NUP58: variants seen among roughly 807,000 people sequenced by gnomAD.
NUP58 encodes nucleoporin 58, also known as nucleoporin p58/p45.
Under a neutral mutation model 70.1 loss-of-function variants are expected in NUP58, and 17 were observed. The ratio of observed to expected loss-of-function variants is 0.24; its 90% CI spans 0.17 to 0.36. The LOEUF is 0.36. Among genes scored for constraint, NUP58 ranks in the 10% least tolerant of loss-of-function variants. The probability of loss-of-function intolerance (pLI) is 1.00; values close to 1 mark genes in which losing one functional copy is unlikely to be tolerated. For synonymous variants in NUP58, 275 were observed against 257.6 expected (o/e 1.07, Z -0.65); for missense variants, 644 against 701.5 (o/e 0.92, Z 0.93).
intron 13 of NUP58, chr13:25,334,008 A>C: frequency 1.0e-6 from 1 of 985,288 alleles, no homozygotes; most frequent in Non-Finnish European, 1.2e-6. Flanking sequence ...GAGGAGGAGG[A>C]ATAGACTTAA....
Position 25,312,899 on chromosome 13 carries a change from A to C in NUP58, c.303A>C (p.Thr101=), listed in dbSNP as rs2030741494. ...TGLTLGTPAT[T]SAATTGFSLG... Reference sequence around the variant, plus strand: ...TTTAAATAGGAACGCCAGCCACTACATCTGCAGCTACAACAGGCTTCAGTT... The same window carrying C: ...TTTAAATAGGAACGCCAGCCACTACCTCTGCAGCTACAACAGGCTTCAGTT... The change falls in exon 4 of 16, where the codon ACA becomes ACC. Residue 101 remains threonine, a synonymous_variant. Transcript: ENST00000381736. The C allele has an allele frequency of 6.2e-7, 1 of 1,612,160 alleles. No individual in the cohort carries two copies. The highest frequency in any genetic ancestry group is 8.5e-7 in the Non-Finnish European group (1 of 1,179,134).
intron 15 of NUP58, 65 bp from the exon 16 acceptor site, chr13:25,339,900 C>T: frequency 1.5e-6 from 2 of 1,363,972 alleles, no homozygotes; most frequent in Non-Finnish European, 1.0e-6. Flanking sequence ...ACTGCTCCTC[C>T]CTGTTTTTAT....
Position 25,308,016 on chromosome 13 carries a change from A to G in NUP58, c.250+68A>G, listed in dbSNP as rs112482451. The G allele has an allele frequency of 1.7e-5, 27 of 1,563,748 alleles. No homozygotes were observed. In the African/African-American group the frequency reaches 2.2e-4, roughly 13 times the overall value. Reference sequence around the variant, plus strand: ...TATTCTTTCCTAAATTGTGTCCTGTATCTCTCTTTACAAGGATCATCACTG... The same window carrying G: ...TATTCTTTCCTAAATTGTGTCCTGTGTCTCTCTTTACAAGGATCATCACTG... On this transcript the variant is annotated intron_variant, in intron 2 of 15. Transcript: ENST00000381736.
intron 5 of NUP58, among the ~76,000 whole-genome samples, chr13:25,314,493 C>T (rs1375735937): frequency 2.6e-5 from 4 of 151,954 alleles, no homozygotes; most frequent in African/African-American, 4.8e-5. Context: ...GTCAGGAGTT[C>T]GAGACCAGCC....
chr13:25,329,592 C>T (rs150088567), intron 12 of NUP58, among the ~76,000 whole-genome samples: 1 of 152,214 alleles, frequency 6.6e-6, no homozygotes, highest in Non-Finnish European at 1.5e-5. Context: ...GGTATGTTGC[C>T]ATTATTTTTA....
At chr13:25,320,079 G>A (rs2137770813) in intron 7 of NUP58, among the ~76,000 whole-genome samples, 1 of 152,136 alleles carries the variant, frequency 6.6e-6, no homozygotes, top group South Asian at 2.1e-4. Context: ...AGAACTAACT[G>A]AAGTTATTTT....
chr13:25,316,547 A>G (rs1233504109), intron 6 of NUP58, among the ~76,000 whole-genome samples: 1 of 152,212 alleles, frequency 6.6e-6, no homozygotes, highest in African/African-American at 2.4e-5. Context: ...AAACTTTTAC[A>G]AAGTTTAGAT....
intron 5 of NUP58, among the ~76,000 whole-genome samples, chr13:25,314,111 A>G (rs1162560584): frequency 6.6e-6 from 1 of 151,992 alleles, no homozygotes; most frequent in Non-Finnish European, 1.5e-5. Context: ...TTGTATTTTT[A>G]GTAGAGATGA....
At chr13:25,342,888 C>A (rs2031993709), downstream of NUP58, among the ~76,000 whole-genome samples, 1 of 151,700 alleles carries the variant, frequency 6.6e-6, no homozygotes, top group South Asian at 2.1e-4. Flanking sequence ...GTTCTTTTTC[C>A]CTTCTATTAG....
Position 25,301,756 on chromosome 13 carries a change from G to C in NUP58, c.-18G>C. 1 of 1,562,844 alleles carries C rather than the reference G, an allele frequency of 6.4e-7. No individual in the cohort carries two copies. Among genetic ancestry groups the C allele is most frequent in the Non-Finnish European group, 8.7e-7 (1 of 1,143,386 alleles). On this transcript the variant is annotated 5_prime_UTR_variant, in exon 1 of 16. Coordinates refer to ENST00000381736, the MANE Select transcript of NUP58 (RefSeq NM_014089.4). ...AGACCCATTTCGCCTTGCTGACGGCGTCGAGCCCTGGCCAGACATGTCCAC... is the reference window on the plus strand; with the variant it reads ...AGACCCATTTCGCCTTGCTGACGGCCTCGAGCCCTGGCCAGACATGTCCAC...
chr13:25,330,331 T>C (rs749219604), intron 12 of NUP58, among the ~76,000 whole-genome samples: 1 of 152,194 alleles, frequency 6.6e-6, no homozygotes, highest in Non-Finnish European at 1.5e-5. Flanking sequence ...ATCCAGTTCT[T>C]GGCAGGCCCC....
At chr13:25,310,768 T>G (rs1463788048) in intron 3 of NUP58, among the ~76,000 whole-genome samples, 3 of 152,166 alleles carry the variant, frequency 2.0e-5, no homozygotes, top group African/African-American at 2.4e-5. Context: ...GTTTCTGGCT[T>G]CTTTTCTCTC....
chr13:25,349,194 C>A (rs1484967387), intron 3 of NUP58, among the ~76,000 whole-genome samples: 1 of 152,152 alleles, frequency 6.6e-6, no homozygotes, highest in Admixed American at 6.5e-5. Flanking sequence ...GGAGCCCTGT[C>A]TTAGTTTGGG....
Position 25,341,949 on chromosome 13 carries a change from G to A in NUP58, c.*1815G>A, listed in dbSNP as rs369023432. On this transcript the variant is annotated 3_prime_UTR_variant, in exon 16 of 16. Coordinates refer to ENST00000381736, the MANE Select transcript of NUP58 (RefSeq NM_014089.4). ...GCCACACATTTTTTGTATAATGTTG[G>A]GTTTGATTATAAAAGTGTTGTCAAA... 1.5e-4 allele frequency: 23 copies of A among 152,162 alleles called. No individual in the cohort carries two copies. The highest frequency in any genetic ancestry group is 5.5e-4 in the African/African-American group (23 of 41,500). 9.4% of individuals were successfully genotyped at this position (152,162 alleles called of 1,614,324 possible).
At chr13:25,313,543 C>G (rs1228056843) in intron 4 of NUP58, 71 bp from the exon 5 acceptor site, 4 of 1,310,530 alleles carry the variant, frequency 3.1e-6, no homozygotes, top group Non-Finnish European at 4.0e-6. Flanking sequence ...TTAAAAACAT[C>G]GTATTTGTAT....
In NUP58 at chr13:25,338,620, A is replaced by G; in HGVS notation, c.1535-16A>G. On this transcript the variant is annotated splice_polypyrimidine_tract_variant and intron_variant, in intron 14 of 15. Transcript: ENST00000381736. The stretch of plus-strand genomic sequence containing the variant: ...TTTATGTGCCATTGTATATTTTTCT[A>G]TTACCCTTCCACTAGGATTTGGAAC... 1 of 1,589,132 alleles carries G rather than the reference A, an allele frequency of 6.3e-7. No individual in the cohort carries two copies. The highest frequency in any genetic ancestry group is 8.6e-7 in the Non-Finnish European group (1 of 1,157,742).
chr13:25,308,188 A>T, intron 2 of NUP58: 1 of 367,380 alleles, frequency 2.7e-6, no homozygotes, highest in East Asian at 4.3e-5. Context: ...AAATTTTTGG[A>T]TTATATAATG....
At chr13:25,327,364 A>G in intron 11 of NUP58, 66 bp from the exon 12 acceptor site, 2 of 1,101,284 alleles carry the variant, frequency 1.8e-6, no homozygotes, top group Non-Finnish European at 1.3e-6. Flanking sequence ...ACTCAAATAG[A>G]AAAATAAAAT....
In NUP58 at chr13:25,327,495, A is replaced by G. The variant is rs939919688; in HGVS notation, c.1216A>G (p.Ile406Val). The G allele has an allele frequency of 1.2e-6, 2 of 1,609,212 alleles. No homozygotes were observed. Among genetic ancestry groups the G allele is most frequent in the African/African-American group, 1.3e-5 (1 of 74,850 alleles). The change falls in exon 12 of 16, where the codon ATT (isoleucine) becomes GTT (valine). Residue 406 changes from isoleucine to valine, a missense_variant. Physicochemically the swap from Ile to Val is conservative, Grantham distance 29 (BLOSUM62 3). Around this residue, in one of 4 missense-constraint regions of NUP58, gnomAD observed 78 missense variants for 71.3 expected, o/e 1.09. Transcript: ENST00000381736. Reference protein sequence around the residue: ...FVALAAQLQSIHENVKVLKEQ... With the variant: ...FVALAAQLQSVHENVKVLKEQ... ...AGCTTTAGCGGCACAACTTCAGTCT[A>G]TTCATGAAAATGTAAAGGTAAGTTT...
Sources: allele counts gnomAD v4.1 joint callset (sites outside exome capture counted in the v4.1 genomes callset), GRCh38; gene constraint gnomAD v4.1.1; regional missense constraint gnomAD v4.1.1; transcripts MANE v1.5; gene names NCBI Gene and HGNC (gene_info 2026-07-23, HGNC 2026-07-21).